The following SLC24A4 variants were observed in gnomAD, a reference collection of about 807,000 sequenced individuals.
The protein encoded by SLC24A4 is solute carrier family 24 member 4.
A neutral mutation model predicts 79.0 loss-of-function variants in SLC24A4; 53 were observed. The ratio of observed to expected loss-of-function variants is 0.67; its 90% CI spans 0.54 to 0.84. The LOEUF (loss-of-function observed/expected upper bound fraction) is 0.84, where lower values mean the gene tolerates loss of function less well. SLC24A4 is among the 40% of genes least tolerant of loss of function. SLC24A4 has a pLI of 0.00. For synonymous variants in SLC24A4, 323 were observed against 323.8 expected (o/e 1.00, Z 0.03); for missense variants, 731 against 822.0 (o/e 0.89, Z 1.35).
intron 12 of SLC24A4, among the ~76,000 whole-genome samples, chr14:92,468,399 C>T (rs1312241017): frequency 2.0e-5 from 3 of 152,080 alleles, no homozygotes; most frequent in African/African-American, 7.2e-5. Context: ...TTGCAGAAAC[C>T]GACAAGCTGA....
At chr14:92,414,629 T>A (rs1463835161) in intron 2 of SLC24A4, among the ~76,000 whole-genome samples, 1 of 151,998 alleles carries the variant, frequency 6.6e-6, no homozygotes. Context: ...AGTCCCAGCT[T>A]CTTGGGAGGC....
chr14:92,410,078 G>A (rs189734052), intron 2 of SLC24A4, among the ~76,000 whole-genome samples: 166 of 152,262 alleles, frequency 1.1e-3, no homozygotes, highest in African/African-American at 3.8e-3. Context: ...TAACTATTGG[G>A]TACTAGGCTT....
Position 92,445,361 on chromosome 14 carries a change from G to A in SLC24A4, c.683+19G>A. On this transcript the variant is annotated intron_variant, in intron 8 of 16. Transcript: ENST00000532405. The stretch of plus-strand genomic sequence containing the variant: ...TTGTGTGGTAAGTTTTTCAAGTGTA[G>A]TTTTCATTGTTCTTTTTTGTTGTTG... 1 of 1,612,658 alleles carries A rather than the reference G, an allele frequency of 6.2e-7. No homozygotes were observed. The highest frequency in any genetic ancestry group is 8.5e-7 in the Non-Finnish European group (1 of 1,178,896).
Position 92,486,756 on chromosome 14 carries a change from G to A in SLC24A4, c.1513G>A (p.Ala505Thr), listed in dbSNP as rs1367080802. The A allele has an allele frequency of 6.2e-7, 1 of 1,614,010 alleles. No individual in the cohort carries two copies. Among genetic ancestry groups the A allele is most frequent in the Non-Finnish European group, 8.5e-7 (1 of 1,179,920 alleles). Residue 505 changes from alanine (A) to threonine (T), a missense_variant, in exon 14 of 17, where the codon GCC becomes ACC. By Grantham distance (58) the Ala-to-Thr change is moderately conservative. Transcript: ENST00000532405. ...AAGTSVPDCMASLIVARQGLG... is the reference protein window; with the variant it reads ...AAGTSVPDCMTSLIVARQGLG... ...AGGGACAAGTGTTCCAGACTGCATGGCCAGCCTAATTGTGGCGAGACAAGG... is the reference window on the plus strand; with the variant it reads ...AGGGACAAGTGTTCCAGACTGCATGACCAGCCTAATTGTGGCGAGACAAGG...
At chr14:92,373,090 C>T (rs1331055003) in intron 2 of SLC24A4, among the ~76,000 whole-genome samples, 2 of 151,192 alleles carry the variant, frequency 1.3e-5, no homozygotes, top group African/African-American at 4.9e-5. Context: ...GCAACCTCCA[C>T]CTCCTGGGTC....
chr14:92,354,059 T>C (rs1887033910), intron 2 of SLC24A4, among the ~76,000 whole-genome samples: 1 of 152,292 alleles, frequency 6.6e-6, no homozygotes, highest in East Asian at 1.9e-4. Context: ...GGTGGAAACC[T>C]GGAGCCAGGT....
At chr14:92,391,254 G>A (rs1428870318) in intron 2 of SLC24A4, among the ~76,000 whole-genome samples, 1 of 152,184 alleles carries the variant, frequency 6.6e-6, no homozygotes, top group Non-Finnish European at 1.5e-5. Flanking sequence ...TGCAGGGAAG[G>A]TGCGAGTGGA....
At chr14:92,453,795 A>G (rs1595307370) in intron 10 of SLC24A4, 105 bp from the exon 11 acceptor site, 43 of 1,301,900 alleles carry the variant, frequency 3.3e-5, no homozygotes, top group Non-Finnish European at 4.1e-5. Context: ...AGCTGCCAGG[A>G]CCACAGCCTA....
At position 92,439,434 on chromosome 14, in the gene SLC24A4, C is replaced by G. The variant is rs564286188; in HGVS notation, c.393+25C>G. The G allele has an allele frequency of 3.1e-6, 5 of 1,598,128 alleles. No individual in the cohort carries two copies. In the African/African-American group the frequency reaches 6.7e-5, roughly 21 times the overall value. ...GGTATGTGGAAGGGACTTGGGACACCTTGGTGAAGCCTTGAAGACATGTGG... is the reference window on the plus strand; with the variant it reads ...GGTATGTGGAAGGGACTTGGGACACGTTGGTGAAGCCTTGAAGACATGTGG... On this transcript the variant is annotated intron_variant, in intron 4 of 16. Transcript: ENST00000532405.
rs1277885223 is a variant in SLC24A4, at chr14:92,447,359, T to C, written c.684-12T>C. The C allele has an allele frequency of 6.2e-7, 1 of 1,613,796 alleles. No homozygotes were observed. The highest frequency in any genetic ancestry group is 1.3e-5 in the African/African-American group (1 of 74,868). ...CCCGAGCTCTAACCGCAATCTCCTT[T>C]CTCTCTTTGAGGTGGGAAGGCCTGG... is the stretch of plus-strand genomic sequence containing the variant. On this transcript the variant is annotated splice_polypyrimidine_tract_variant and intron_variant, in intron 8 of 16. Transcript: ENST00000532405.
rs560074774 is a variant in SLC24A4 at position 92,461,562 on chromosome 14, T to C, written c.1255+4954T>C. Among the ~76,000 whole-genome samples the C allele has an allele frequency of 4.7e-4, 72 of 152,346 alleles. 1 individual carries two copies. The highest frequency in any genetic ancestry group is 1.6e-3 in the African/African-American group (66 of 41,578). On this transcript the variant is annotated intron_variant, in intron 12 of 16. Coordinates refer to ENST00000532405, the MANE Select transcript of SLC24A4 (RefSeq NM_153646.4). Reference sequence around the variant, plus strand: ...CTTGTTTGTTTGTTTGTTTGGTGCATGCATGTGGAGAGAGATCTTTCTCTT... The same window carrying C: ...CTTGTTTGTTTGTTTGTTTGGTGCACGCATGTGGAGAGAGATCTTTCTCTT...
intron 2 of SLC24A4, among the ~76,000 whole-genome samples, chr14:92,341,867 C>A (rs1886163434): frequency 6.6e-6 from 1 of 152,188 alleles, no homozygotes; most frequent in Non-Finnish European, 1.5e-5. Context: ...TTCTCTGGGC[C>A]TCAGAGGTGG....
intron 2 of SLC24A4, among the ~76,000 whole-genome samples, chr14:92,358,182 G>A (rs756823332): frequency 1.3e-5 from 2 of 152,328 alleles, no homozygotes; most frequent in African/African-American, 2.4e-5. Context: ...TGGAAATACC[G>A]TGTAGGGAAT....
At chr14:92,474,988 G>A (rs1294208748) in intron 12 of SLC24A4, among the ~76,000 whole-genome samples, 1 of 150,484 alleles carries the variant, frequency 6.6e-6, no homozygotes, top group Non-Finnish European at 1.5e-5. Flanking sequence ...GTGAGCCACC[G>A]TGCCCGGCCT....
chr14:92,412,265 C>G (rs1595240242), intron 2 of SLC24A4, among the ~76,000 whole-genome samples: 1 of 152,150 alleles, frequency 6.6e-6, no homozygotes, highest in African/African-American at 2.4e-5. Flanking sequence ...CGAAACGCAT[C>G]TATAGTTGGT....
chr14:92,439,207 G>A, intron 3 of SLC24A4, 128 bp from the exon 4 acceptor site: 5 of 712,970 alleles, frequency 7.0e-6, no homozygotes, highest in Non-Finnish European at 7.4e-6. Flanking sequence ...TGGTGCTGGA[G>A]TTTTCCTGTG....
chr14:92,396,238 C>T (rs1006182491), intron 2 of SLC24A4, among the ~76,000 whole-genome samples: 1 of 152,074 alleles, frequency 6.6e-6, no homozygotes, highest in East Asian at 1.9e-4. Context: ...CAGGGTAAAG[C>T]GAGCCATATT....
At chr14:92,402,518 G>T (rs1170023409) in intron 2 of SLC24A4, among the ~76,000 whole-genome samples, 1 of 152,146 alleles carries the variant, frequency 6.6e-6, no homozygotes, top group African/African-American at 2.4e-5. Flanking sequence ...TTCCTTTGGA[G>T]ATGAGTTAGA....
intron 10 of SLC24A4, among the ~76,000 whole-genome samples, chr14:92,449,883 C>T (rs1004268975): frequency 2.6e-5 from 4 of 152,246 alleles, no homozygotes; most frequent in African/African-American, 2.4e-5. Context: ...CATCTGCTGT[C>T]GTGTCTTACT....
Sources: gnomAD v4.1 joint callset for allele counts (sites outside exome capture counted in the v4.1 genomes callset) on GRCh38, gnomAD v4.1.1 for gene constraint, MANE v1.5 for transcripts, NCBI Gene and HGNC (gene_info 2026-07-23, HGNC 2026-07-21) for gene names.